The following SNTG1 variants were observed in gnomAD, a reference collection of about 807,000 sequenced individuals.
The protein encoded by SNTG1 is syntrophin gamma 1, also known as gamma-1-syntrophin.
Under a neutral mutation model 74.7 loss-of-function variants are expected in SNTG1, and 39 were observed. The ratio of observed to expected loss-of-function variants is 0.52; its 90% CI spans 0.40 to 0.68. The LOEUF (loss-of-function observed/expected upper bound fraction) is 0.68, where lower values mean the gene tolerates loss of function less well. Ranked by LOEUF, SNTG1 falls within the 30% of genes least tolerant of loss-of-function variation. The probability of loss-of-function intolerance (pLI) is 0.00; values close to 1 mark genes in which losing one functional copy is unlikely to be tolerated. For missense variants in SNTG1, 685 were observed against 609.5 expected (o/e 1.12, Z -1.30); for synonymous variants, 254 against 217.1 (o/e 1.17, Z -1.49).
At chr8:49,941,572 C>G (rs1403697228) in intron 1 of SNTG1, among the ~76,000 whole-genome samples, 2 of 149,926 alleles carry the variant, frequency 1.3e-5, no homozygotes, top group Non-Finnish European at 3.0e-5. Context: ...GGCTCTGAAG[C>G]TGGTCATGGA....
At chr8:50,306,296 T>C (rs7822367) in intron 2 of SNTG1, among the ~76,000 whole-genome samples, 70,956 of 151,404 alleles carry the variant, frequency 0.47, 19,135 homozygotes, top group East Asian at 0.83. Context: ...CATTCATTGA[T>C]TGATGGACAC....
intron 3 of SNTG1, among the ~76,000 whole-genome samples, chr8:50,400,593 A>T (rs183841664): frequency 1.2e-4 from 18 of 152,164 alleles, no homozygotes; most frequent in African/African-American, 4.3e-4. Flanking sequence ...TCTTTAAGGG[A>T]TATACTAATT....
chr8:50,530,084 T>C, intron 9 of SNTG1, 93 bp from the exon 10 acceptor site: 1 of 1,000,380 alleles, frequency 1.0e-6, no homozygotes, highest in Non-Finnish European at 1.5e-6. Flanking sequence ...TTACTTGATA[T>C]TACTGAGTAT....
At chr8:50,306,885 T>C (rs2089921287) in intron 2 of SNTG1, among the ~76,000 whole-genome samples, 1 of 152,050 alleles carries the variant, frequency 6.6e-6, no homozygotes, top group Admixed American at 6.6e-5. Context: ...AGCTTTCTAA[T>C]GTAATGAAAT....
chr8:50,259,848 G>T (rs1191431303), intron 2 of SNTG1, among the ~76,000 whole-genome samples: 1 of 151,988 alleles, frequency 6.6e-6, no homozygotes, highest in Non-Finnish European at 1.5e-5. Context: ...CAATTTTTTT[G>T]GAATATAAAC....
At chr8:50,086,479 G>T (rs1266267700) in intron 1 of SNTG1, among the ~76,000 whole-genome samples, 1 of 152,198 alleles carries the variant, frequency 6.6e-6, no homozygotes, top group African/African-American at 2.4e-5. Flanking sequence ...AATTAGTGTT[G>T]CCCTGCATGA....
chr8:50,774,372 A>G (rs1226930788), intron 18 of SNTG1, among the ~76,000 whole-genome samples: 1 of 151,890 alleles, frequency 6.6e-6, no homozygotes, highest in Admixed American at 6.6e-5. Flanking sequence ...ATGACTCACA[A>G]CATGCAAAGA....
At chr8:50,057,256 G>A (rs1359436470) in intron 1 of SNTG1, among the ~76,000 whole-genome samples, 1 of 152,010 alleles carries the variant, frequency 6.6e-6, no homozygotes, top group African/African-American at 2.4e-5. Context: ...TTGTTAAAGG[G>A]CTATGCTGAG....
At chr8:50,430,012 TA>T (rs2093214448) in intron 4 of SNTG1, among the ~76,000 whole-genome samples, 1 of 152,130 alleles carries the variant, frequency 6.6e-6, no homozygotes, top group East Asian at 1.9e-4. Context: ...GATGAGAATA[TA>T]AAGTGACATG....
chr8:50,640,735 A>T (rs2095067407), intron 13 of SNTG1, among the ~76,000 whole-genome samples: 1 of 152,028 alleles, frequency 6.6e-6, no homozygotes, highest in Non-Finnish European at 1.5e-5. Context: ...TTCTTTGATG[A>T]CCTTAGTCTT....
rs10105252 is a variant in SNTG1 at position 50,208,920 on chromosome 8, G to A, written c.-28+36285G>A. Among the ~76,000 whole-genome samples the A allele has an allele frequency of 8.1e-3, 1,235 of 152,324 alleles. 19 individuals carry two copies. Among genetic ancestry groups the A allele is most frequent in the African/African-American group, 0.029 (1,186 of 41,584 alleles). ...TGTCGGACAGTGGGTTCAGCCCACG[G>A]AGCAGGGCAGGGCATCGCCTCACCT... is the stretch of plus-strand genomic sequence containing the variant. On this transcript the variant is annotated intron_variant, in intron 2 of 18. Transcript: ENST00000642720.
chr8:50,490,433 C>G (rs532237011), intron 8 of SNTG1, among the ~76,000 whole-genome samples: 7 of 152,260 alleles, frequency 4.6e-5, no homozygotes, highest in Non-Finnish European at 8.8e-5. Flanking sequence ...TGTGTCCTCT[C>G]TTATTTCCTC....
intron 2 of SNTG1, among the ~76,000 whole-genome samples, chr8:50,345,083 C>G (rs2091433025): frequency 1.3e-5 from 2 of 152,184 alleles, no homozygotes; most frequent in Non-Finnish European, 2.9e-5. Context: ...GCCTCCAGAA[C>G]TCTGAGACAA....
At chr8:50,402,535 A>G (rs1213476049) in intron 4 of SNTG1, among the ~76,000 whole-genome samples, 191 bp downstream of exon 4, 2 of 152,088 alleles carry the variant, frequency 1.3e-5, no homozygotes, top group Non-Finnish European at 2.9e-5. Context: ...ATGAACACAT[A>G]TTTCGGGCCC....
intron 2 of SNTG1, among the ~76,000 whole-genome samples, chr8:50,223,600 G>T (rs180875759): frequency 6.6e-6 from 1 of 152,032 alleles, no homozygotes; most frequent in African/African-American, 2.4e-5. Context: ...CTCATTAAAT[G>T]CAAAAGATAA....
At chr8:50,742,123 A>G (rs2095544857) in intron 17 of SNTG1, among the ~76,000 whole-genome samples, 1 of 151,948 alleles carries the variant, frequency 6.6e-6, no homozygotes, top group African/African-American at 2.4e-5. Context: ...CAAAAATAAA[A>G]TCTATTATTA....
intron 2 of SNTG1, among the ~76,000 whole-genome samples, chr8:50,288,706 A>AG (rs1427452694): frequency 6.6e-6 from 1 of 152,174 alleles, no homozygotes; most frequent in African/African-American, 2.4e-5. Context: ...GGAAAAAAAA[A>AG]GGATAGGATA....
At chr8:49,959,764 C>T (rs1279244095) in intron 1 of SNTG1, among the ~76,000 whole-genome samples, 2 of 152,120 alleles carry the variant, frequency 1.3e-5, no homozygotes, top group Non-Finnish European at 2.9e-5. Context: ...ACAGCTGTAT[C>T]CAAGTTTTTG....
In SNTG1 at chr8:50,121,549, A is replaced by T. The variant is rs1217625809; in HGVS notation, c.-102-51012A>T. ...TGTTAGGTGAGAAGTAACATGATTCACTCAAATAAGTATTAATACAAACTA... is the reference window on the plus strand; with the variant it reads ...TGTTAGGTGAGAAGTAACATGATTCTCTCAAATAAGTATTAATACAAACTA... On this transcript the variant is annotated intron_variant, in intron 1 of 18. Coordinates refer to ENST00000642720, the MANE Select transcript of SNTG1 (RefSeq NM_018967.5). 4.9e-5 allele frequency among the ~76,000 whole-genome samples: 7 copies of T among 142,850 alleles called. 2 individuals carry two copies. Among genetic ancestry groups the T allele is most frequent in the Non-Finnish European group, 1.1e-4 (7 of 64,060 alleles). The allele number at this position is 142,850 out of a possible 152,430, so 93.7% of individuals were successfully genotyped here.
Sources: gnomAD v4.1 joint callset for allele counts (sites outside exome capture counted in the v4.1 genomes callset) on GRCh38, gnomAD v4.1.1 for gene constraint, MANE v1.5 for transcripts, NCBI Gene and HGNC (gene_info 2026-07-23, HGNC 2026-07-21) for gene names.